The following AP4E1 variants were observed in gnomAD, a reference collection of about 807,000 sequenced individuals.
AP4E1 encodes the protein adaptor related protein complex 4 subunit epsilon 1, also known as AP-4 complex subunit epsilon-1.
In AP4E1, 56 loss-of-function variants were observed where a neutral mutation model predicts 128.2. The ratio of observed to expected loss-of-function variants is 0.44; its 90% CI spans 0.35 to 0.55. The LOEUF is 0.55. AP4E1 is among the 20% of genes least tolerant of loss of function. The probability of loss-of-function intolerance (pLI) is 0.00; values close to 1 mark genes in which losing one functional copy is unlikely to be tolerated. For missense variants in AP4E1, 1,324 were observed against 1,307.7 expected (o/e 1.01, Z -0.19); for synonymous variants, 484 against 473.1 (o/e 1.02, Z -0.30).
intron 13 of AP4E1, among the ~76,000 whole-genome samples, chr15:50,954,405 A>T (rs989263750): frequency 1.3e-5 from 2 of 152,236 alleles, no homozygotes; most frequent in Non-Finnish European, 2.9e-5. Context: ...TAAATTATAA[A>T]TTCAATTTTC....
chr15:50,955,706 G>A (rs1203717488), intron 13 of AP4E1, among the ~76,000 whole-genome samples: 2 of 152,222 alleles, frequency 1.3e-5, no homozygotes, highest in Non-Finnish European at 2.9e-5. Flanking sequence ...TGGAGGTGAG[G>A]TGCAGGCTCC....
At chr15:50,992,764 A>G (rs888940639) in intron 16 of AP4E1, among the ~76,000 whole-genome samples, 1 of 152,226 alleles carries the variant, frequency 6.6e-6, no homozygotes, top group Non-Finnish European at 1.5e-5. Flanking sequence ...ACTTAATAAT[A>G]GTTGAAAATG....
chr15:50,912,095 C>T lies in AP4E1; in HGVS notation c.168C>T (p.Ile56=), dbSNP rs2063572948. ...TTTCTCAGGAAGAAGAAAAATTAATCCAGCAGGAACTGAGTAGTCTGAAAG... is the reference window on the plus strand; with the variant it reads ...TTTCTCAGGAAGAAGAAAAATTAATTCAGCAGGAACTGAGTAGTCTGAAAG... ...LTSKHEEEKL[I]QQELSSLKAT... is the part of the protein sequence containing the mutation. Residue 56 remains isoleucine (I), a synonymous_variant, in exon 2 of 21, where the codon ATC becomes ATT. Transcript: ENST00000261842. 1.2e-6 allele frequency: 2 copies of T among 1,614,024 alleles called. No individual in the cohort carries two copies. The highest frequency in any genetic ancestry group is 1.7e-4 in the Middle Eastern group (1 of 6,060).
chr15:50,953,713 A>G (rs2064181611), intron 13 of AP4E1, among the ~76,000 whole-genome samples: 2 of 152,242 alleles, frequency 1.3e-5, no homozygotes, highest in African/African-American at 4.8e-5. Flanking sequence ...AAGAGAAGCT[A>G]TAAAAATGGT....
At chr15:50,915,324 T>C in intron 2 of AP4E1, 124 bp from the exon 3 acceptor site, 1 of 991,578 alleles carries the variant, frequency 1.0e-6, no homozygotes, top group South Asian at 1.6e-5. Flanking sequence ...GATTAATTTG[T>C]AATATATATG....
chr15:50,920,819 A>C (rs2063693277), intron 3 of AP4E1, among the ~76,000 whole-genome samples: 1 of 152,146 alleles, frequency 6.6e-6, no homozygotes, highest in African/African-American at 2.4e-5. Flanking sequence ...TTCTTCTGAG[A>C]TGGAGTTTCG....
intron 1 of AP4E1, 36 bp downstream of exon 1, chr15:50,908,964 G>C: frequency 2.5e-6 from 4 of 1,607,410 alleles, no homozygotes; most frequent in Non-Finnish European, 3.4e-6. Flanking sequence ...CAGGGACATC[G>C]GAGTGAGGCC....
intron 1 of AP4E1, among the ~76,000 whole-genome samples, chr15:50,910,516 A>G (rs2063553390): frequency 6.6e-6 from 1 of 152,232 alleles, no homozygotes. Flanking sequence ...AATGCAATAG[A>G]AGTGCTAAAA....
At chr15:50,925,723 G>A (rs532725523) in intron 5 of AP4E1, among the ~76,000 whole-genome samples, 3 of 149,280 alleles carry the variant, frequency 2.0e-5, no homozygotes, top group Admixed American at 6.8e-5. Context: ...TCTGCCTCCC[G>A]GGTTCAAGCA....
intron 10 of AP4E1, among the ~76,000 whole-genome samples, chr15:50,944,153 G>A (rs143537761): frequency 4.6e-5 from 7 of 152,198 alleles, no homozygotes; most frequent in African/African-American, 1.7e-4. Context: ...AGTATCCTTG[G>A]TGCCCAAAGA....
At chr15:50,926,324 G>A (rs1309114488) in intron 5 of AP4E1, among the ~76,000 whole-genome samples, 1 of 151,466 alleles carries the variant, frequency 6.6e-6, no homozygotes, top group Non-Finnish European at 1.5e-5. Flanking sequence ...TTTTAGTGGA[G>A]GCAGGGTTTC....
chr15:50,968,166 T>G, intron 14 of AP4E1, 97 bp from the exon 15 acceptor site: 1 of 883,140 alleles, frequency 1.1e-6, no homozygotes, highest in Non-Finnish European at 1.8e-6. Flanking sequence ...ATTTAGAATT[T>G]TAAAAAATAT....
chr15:50,956,772 C>G (rs2140874870), intron 13 of AP4E1, among the ~76,000 whole-genome samples: 1 of 152,316 alleles, frequency 6.6e-6, no homozygotes, highest in Non-Finnish European at 1.5e-5. Flanking sequence ...TGGGTGGGAG[C>G]ACAGAGCCAA....
At chr15:50,951,093 A>G (rs1315746163) in intron 13 of AP4E1, among the ~76,000 whole-genome samples, 1 of 152,164 alleles carries the variant, frequency 6.6e-6, no homozygotes, top group Non-Finnish European at 1.5e-5. Flanking sequence ...GTGGCTTAAG[A>G]CAATACAAAT....
Position 50,941,474 on chromosome 15 carries a change from T to A in AP4E1, c.976T>A (p.Ser326Thr), listed in dbSNP as rs761348269. The A allele has an allele frequency of 8.1e-6, 13 of 1,613,146 alleles. No individual in the cohort carries two copies. In the Admixed American group the frequency reaches 2.2e-4, roughly 27 times the overall value. Residue 326 changes from serine to threonine, a missense_variant, in exon 9 of 21, where the codon TCT becomes ACT. Transcript: ENST00000261842. ...ILFECVHTVY[S>T]IYPKSELLEK... Reference sequence around the variant, plus strand: ...GTTTGAATGTGTGCATACAGTCTATTCTATTTATCCTAAATCGGAATTACT... The same window carrying A: ...GTTTGAATGTGTGCATACAGTCTATACTATTTATCCTAAATCGGAATTACT...
chr15:50,970,587 T>C (rs1411962499), intron 15 of AP4E1, among the ~76,000 whole-genome samples: 1 of 152,246 alleles, frequency 6.6e-6, no homozygotes, highest in Non-Finnish European at 1.5e-5. Context: ...ATTCTTTTTA[T>C]GAATTGATCC....
intron 10 of AP4E1, among the ~76,000 whole-genome samples, chr15:50,947,415 C>CCTGTCT (rs2064076823): frequency 8.5e-6 from 1 of 117,176 alleles, no homozygotes; most frequent in Admixed American, 9.0e-5. Flanking sequence ...GACCCTGTCT[C>CCTGTCT]AAAAAAAAAA....
chr15:50,951,858 C>G (rs1460147731), intron 13 of AP4E1, among the ~76,000 whole-genome samples: 2 of 151,302 alleles, frequency 1.3e-5, no homozygotes, highest in African/African-American at 4.9e-5. Context: ...TCCCGAGTTG[C>G]TGGGATTACA....
intron 15 of AP4E1, among the ~76,000 whole-genome samples, chr15:50,982,486 A>G (rs985901572): frequency 3.9e-5 from 6 of 152,152 alleles, no homozygotes; most frequent in African/African-American, 1.4e-4. Flanking sequence ...CTATATCTGA[A>G]TCTCTGTAAG....
Sources: gnomAD v4.1 joint callset for allele counts (sites outside exome capture counted in the v4.1 genomes callset) on GRCh38, gnomAD v4.1.1 for gene constraint, MANE v1.5 for transcripts, NCBI Gene and HGNC (gene_info 2026-07-23, HGNC 2026-07-21) for gene names.